SND1: variants seen among roughly 807,000 people sequenced by gnomAD.
SND1 encodes the protein staphylococcal nuclease and tudor domain containing 1.
Under a neutral mutation model 121.7 loss-of-function variants are expected in SND1, and 38 were observed. The ratio of observed to expected loss-of-function variants is 0.31; its 90% CI spans 0.24 to 0.41. The LOEUF (loss-of-function observed/expected upper bound fraction) is 0.41, where lower values mean the gene tolerates loss of function less well. Among genes scored for constraint, SND1 ranks in the 10% least tolerant of loss-of-function variants. The pLI, the probability that SND1 is intolerant of heterozygous loss-of-function variation, is 1.00. For missense variants in SND1, 868 were observed against 1,184.6 expected (o/e 0.73, Z 3.92); for synonymous variants, 401 against 447.4 (o/e 0.90, Z 1.31).
chr7:127,972,996 A>C (rs1802034563), intron 15 of SND1, among the ~76,000 whole-genome samples: 1 of 152,234 alleles, frequency 6.6e-6, no homozygotes, highest in Non-Finnish European at 1.5e-5. Context: ...GTATGGAGAC[A>C]AGATTGGAGA....
At chr7:127,668,341 C>G (rs923563716) in intron 1 of SND1, among the ~76,000 whole-genome samples, 1 of 152,156 alleles carries the variant, frequency 6.6e-6, no homozygotes, top group African/African-American at 2.4e-5. Context: ...AAAGAGGACT[C>G]CCCAAACCCT....
At chr7:127,685,905 GTT>G (rs61413993) in intron 1 of SND1, 41,548 of 151,516 alleles carry the variant, frequency 0.27, 7,108 homozygotes, top group East Asian at 0.69. Flanking sequence ...TTCTTTTTTT[GTT>G]TGAGCAGAGT....
At chr7:127,911,354 T>C (rs1490072637) in intron 14 of SND1, among the ~76,000 whole-genome samples, 1 of 152,134 alleles carries the variant, frequency 6.6e-6, no homozygotes, top group Admixed American at 6.6e-5. Context: ...TTTTCTTTTC[T>C]CTTATATTTT....
At chr7:127,975,424 C>CGTGTGT (rs66757341) in intron 15 of SND1, among the ~76,000 whole-genome samples, 159 of 147,558 alleles carry the variant, frequency 1.1e-3, no homozygotes, top group African/African-American at 2.8e-3. Flanking sequence ...TGACTCCCCT[C>CGTGTGT]GTGTGTGTGT....
chr7:127,871,450 G>A (rs747811277), intron 12 of SND1, among the ~76,000 whole-genome samples: 1 of 152,122 alleles, frequency 6.6e-6, no homozygotes, highest in African/African-American at 2.4e-5. Flanking sequence ...CTATGACTAC[G>A]CAGTCTCTAG....
chr7:127,739,426 TA>T (rs946864469), intron 10 of SND1, among the ~76,000 whole-genome samples: 5 of 152,202 alleles, frequency 3.3e-5, no homozygotes, highest in Non-Finnish European at 7.3e-5. Flanking sequence ...TGCTTCTCCC[TA>T]GTGCTGGGTG....
At chr7:127,780,897 A>G (rs532170944) in intron 10 of SND1, among the ~76,000 whole-genome samples, 1 of 152,180 alleles carries the variant, frequency 6.6e-6, no homozygotes, top group Non-Finnish European at 1.5e-5. Flanking sequence ...TGAATTCTTT[A>G]TGATTTTGGC....
chr7:128,036,709 G>A (rs984557519), intron 16 of SND1, among the ~76,000 whole-genome samples: 8 of 152,122 alleles, frequency 5.3e-5, no homozygotes, highest in African/African-American at 1.9e-4. Context: ...CTCGAGTGAT[G>A]GGGAAAACCT....
At chr7:127,774,454 C>G (rs188236824) in intron 10 of SND1, among the ~76,000 whole-genome samples, 75 of 152,282 alleles carry the variant, frequency 4.9e-4, no homozygotes, top group African/African-American at 1.6e-3. Context: ...ACAGTAATGT[C>G]TTAGGCCTTC....
intron 1 of SND1, among the ~76,000 whole-genome samples, chr7:127,654,930 G>A (rs575992858): frequency 2.1e-4 from 32 of 152,346 alleles, no homozygotes; most frequent in Non-Finnish European, 4.0e-4. Flanking sequence ...TTTTCCTGTA[G>A]AGTAATAGTT....
intron 12 of SND1, chr7:127,858,279 G>A: frequency 1.2e-6 from 1 of 829,460 alleles, no homozygotes; most frequent in Non-Finnish European, 2.0e-6. Flanking sequence ...AGCCGGTCCG[G>A]GCACTGCGGG....
intron 15 of SND1, among the ~76,000 whole-genome samples, chr7:127,982,930 T>C (rs1338233927): frequency 6.6e-6 from 1 of 152,258 alleles, no homozygotes. Flanking sequence ...ACTACATTCC[T>C]TAAAATTAGG....
intron 12 of SND1, among the ~76,000 whole-genome samples, chr7:127,874,177 C>T (rs897850881): frequency 1.3e-5 from 2 of 152,158 alleles, no homozygotes; most frequent in African/African-American, 4.8e-5. Flanking sequence ...TGTCATGTGT[C>T]TCTGCCCCAC....
intron 1 of SND1, among the ~76,000 whole-genome samples, chr7:127,670,677 T>A (rs1399285395): frequency 6.6e-6 from 1 of 152,050 alleles, no homozygotes; most frequent in Non-Finnish European, 1.5e-5. Flanking sequence ...TATTTATTTA[T>A]TTTTATTTTT....
intron 10 of SND1, among the ~76,000 whole-genome samples, chr7:127,726,612 T>C (rs552538855): frequency 1.3e-4 from 20 of 152,298 alleles, no homozygotes; most frequent in African/African-American, 4.8e-4. Context: ...GGCTTTGATC[T>C]GAAACTGGAA....
intron 14 of SND1, among the ~76,000 whole-genome samples, chr7:127,916,337 A>G (rs2116790274): frequency 6.6e-6 from 1 of 152,296 alleles, no homozygotes; most frequent in Middle Eastern, 3.4e-3. Context: ...TGAGCTTTCC[A>G]AATGTCTGGC....
At chr7:127,761,724 T>C (rs1439180568) in intron 10 of SND1, among the ~76,000 whole-genome samples, 1 of 152,240 alleles carries the variant, frequency 6.6e-6, no homozygotes, top group Non-Finnish European at 1.5e-5. Context: ...CTGTTAAAAT[T>C]AGATTCCTTC....
intron 12 of SND1, among the ~76,000 whole-genome samples, chr7:127,874,121 AT>A (rs1188919361): frequency 6.6e-6 from 1 of 152,072 alleles, no homozygotes; most frequent in African/African-American, 2.4e-5. Context: ...TCTTCCCTCT[AT>A]TTTGTATTAC....
intron 15 of SND1, among the ~76,000 whole-genome samples, chr7:127,973,937 C>T (rs955801453): frequency 2.6e-5 from 4 of 152,256 alleles, no homozygotes; most frequent in African/African-American, 9.6e-5. Context: ...AGCTTGTGTA[C>T]AGCCTGGCTA....
Sources: allele counts gnomAD v4.1 joint callset (sites outside exome capture counted in the v4.1 genomes callset), GRCh38; gene constraint gnomAD v4.1.1; transcripts MANE v1.5; gene names NCBI Gene and HGNC (gene_info 2026-07-23, HGNC 2026-07-21).